The following CSMD3 variants were observed in gnomAD, a reference collection of about 807,000 sequenced individuals.
CSMD3 encodes the protein CUB and sushi domain-containing protein 3.
Under a neutral mutation model 435.2 loss-of-function variants are expected in CSMD3, and 177 were observed. That is an observed-to-expected ratio of 0.41 (90% CI 0.36 to 0.46). The LOEUF is 0.46. CSMD3 is among the 20% of genes least tolerant of loss of function. The pLI is 0.34. For synonymous variants in CSMD3, 1,656 were observed against 1,520.5 expected (o/e 1.09, Z -2.07); for missense variants, 4,265 against 4,504.6 (o/e 0.95, Z 1.52).
chr8:112,627,681 T>A (rs2131544161), intron 22 of CSMD3, among the ~76,000 whole-genome samples: 1 of 152,258 alleles, frequency 6.6e-6, no homozygotes, highest in Admixed American at 6.5e-5. Flanking sequence ...AACTCAAAAA[T>A]TTTTATCCAA....
intron 1 of CSMD3, among the ~76,000 whole-genome samples, chr8:113,406,135 T>A (rs1383902590): frequency 6.6e-6 from 1 of 151,904 alleles, no homozygotes; most frequent in Non-Finnish European, 1.5e-5. Context: ...GTTTTACATA[T>A]AACAGCGACA....
chr8:112,977,699 G>C (rs1020692607), intron 6 of CSMD3, among the ~76,000 whole-genome samples: 1 of 151,990 alleles, frequency 6.6e-6, no homozygotes, highest in African/African-American at 2.4e-5. Context: ...AGAGCCAAAA[G>C]TAAATGAGGT....
intron 2 of CSMD3, among the ~76,000 whole-genome samples, chr8:113,308,021 A>G (rs1005620160): frequency 6.6e-6 from 1 of 152,162 alleles, no homozygotes; most frequent in Non-Finnish European, 1.5e-5. Context: ...CCATGGCTAT[A>G]GAGTGTTTCT....
At chr8:112,570,396 T>C (rs1167397366) in intron 24 of CSMD3, among the ~76,000 whole-genome samples, 1 of 152,200 alleles carries the variant, frequency 6.6e-6, no homozygotes, top group African/African-American at 2.4e-5. Context: ...GTTGCATATA[T>C]AAACTACCAC....
intron 60 of CSMD3, among the ~76,000 whole-genome samples, chr8:112,264,301 C>T (rs1241681047): frequency 1.3e-5 from 2 of 152,044 alleles, no homozygotes; most frequent in Admixed American, 1.3e-4. Context: ...CCCTTAACCA[C>T]TTAGATTCAT....
At position 112,263,703 on chromosome 8, in the gene CSMD3, G is replaced by T. The variant is rs554318211; in HGVS notation, c.9798C>A (p.Ser3266=). The change falls in exon 61 of 71, where the codon TCC becomes TCA. Residue 3266 remains serine (S), a synonymous_variant. Coordinates refer to ENST00000297405, the MANE Select transcript of CSMD3 (RefSeq NM_198123.2). The part of the protein sequence containing the change: ...SYICSPGYEL[S]FPAVLTCVGN... ...CTACACAGGTCAAAACAGCAGGGAA[G>T]GATAGCTCATAGCCTGGAGAACAGA... 5 of 1,613,770 alleles carry T rather than the reference G, an allele frequency of 3.1e-6. No homozygotes were observed. The African/African-American group carries it at 6.7e-5, about 22-fold the overall frequency.
chr8:112,330,281 T>C (rs1329963846), intron 45 of CSMD3, among the ~76,000 whole-genome samples: 1 of 152,116 alleles, frequency 6.6e-6, no homozygotes, highest in Non-Finnish European at 1.5e-5. Context: ...TTCTTTACAA[T>C]AATGAGTCAT....
chr8:112,884,245 G>A (rs2081527001), intron 10 of CSMD3, among the ~76,000 whole-genome samples: 1 of 151,770 alleles, frequency 6.6e-6, no homozygotes, highest in African/African-American at 2.4e-5. Context: ...ATTGCAGTAT[G>A]TGAGAGTATC....
chr8:113,310,220 C>T (rs2093856843), intron 2 of CSMD3: 2 of 151,848 alleles, frequency 1.3e-5, no homozygotes. Flanking sequence ...GATTATCATT[C>T]CATAATATTT....
chr8:112,953,346 C>G (rs1246507643), intron 8 of CSMD3, among the ~76,000 whole-genome samples: 1 of 151,314 alleles, frequency 6.6e-6, no homozygotes, highest in African/African-American at 2.4e-5. Flanking sequence ...ACATCTTTCT[C>G]TCAAAAATGT....
rs1244284901 is a variant in CSMD3 at position 112,289,359 on chromosome 8, T to C, written c.9148+6A>G. The C allele has an allele frequency of 3.7e-6, 6 of 1,611,840 alleles. No individual in the cohort carries two copies. The Middle Eastern group carries it at 4.9e-4, about 133-fold the overall frequency. The stretch of plus-strand genomic sequence containing the variant: ...AACACATATTGTCCAATTTTCCAAG[T>C]GGTACCTGAACAATGAGGTTGTGAT... On this transcript the variant is annotated splice_donor_region_variant and intron_variant, in intron 57 of 70. Transcript: ENST00000297405.
At chr8:112,871,983 G>A (rs1433364720) in intron 10 of CSMD3, among the ~76,000 whole-genome samples, 1 of 151,864 alleles carries the variant, frequency 6.6e-6, no homozygotes, top group Non-Finnish European at 1.5e-5. Context: ...AAAATATAGT[G>A]TATGATATAA....
At chr8:112,767,830 C>A (rs76007489) in intron 13 of CSMD3, among the ~76,000 whole-genome samples, 2,098 of 151,800 alleles carry the variant, frequency 0.014, 49 homozygotes, top group African/African-American at 0.048. Context: ...TATTTATTTA[C>A]AAGCCCCTTT....
intron 25 of CSMD3, among the ~76,000 whole-genome samples, chr8:112,555,003 T>C (rs1442525450): frequency 6.6e-6 from 1 of 151,936 alleles, no homozygotes; most frequent in East Asian, 1.9e-4. Flanking sequence ...TAAAATAGAA[T>C]TTCATCTTCT....
chr8:112,314,144 G>GTGAAGCAAT, intron 48 of CSMD3, 92 bp from the exon 49 acceptor site: 2 of 980,868 alleles, frequency 2.0e-6, no homozygotes, highest in Non-Finnish European at 3.1e-6. Context: ...ATTAAATATG[G>GTGAAGCAAT]TTAAATTGCT....
chr8:113,001,806 C>G (rs1476064481), intron 6 of CSMD3, among the ~76,000 whole-genome samples: 1 of 152,022 alleles, frequency 6.6e-6, no homozygotes, highest in Non-Finnish European at 1.5e-5. Flanking sequence ...AGTCATTTTA[C>G]TTAAAGCCAC....
At chr8:113,183,814 A>G (rs1441615117) in intron 3 of CSMD3, among the ~76,000 whole-genome samples, 2 of 152,000 alleles carry the variant, frequency 1.3e-5, no homozygotes, top group South Asian at 2.1e-4. Context: ...TTGTGTGTGT[A>G]AAAGCCAAAT....
intron 3 of CSMD3, among the ~76,000 whole-genome samples, chr8:113,227,893 A>T (rs1206125622): frequency 6.6e-6 from 1 of 151,680 alleles, no homozygotes; most frequent in Non-Finnish European, 1.5e-5. Flanking sequence ...TTTAATAATT[A>T]CAGTAAATCA....
At chr8:112,349,761 C>A (rs1229717118) in intron 40 of CSMD3, among the ~76,000 whole-genome samples, 1 of 152,100 alleles carries the variant, frequency 6.6e-6, no homozygotes, top group East Asian at 1.9e-4. Flanking sequence ...AATTTAAAGT[C>A]TGAGTGTTTT....
Sources: allele counts gnomAD v4.1 joint callset (sites outside exome capture counted in the v4.1 genomes callset), GRCh38; gene constraint gnomAD v4.1.1; transcripts MANE v1.5; gene names NCBI Gene and HGNC (gene_info 2026-07-23, HGNC 2026-07-21).